DDAH1: variants seen among roughly 807,000 people sequenced by gnomAD.
The protein encoded by DDAH1 is N(G),N(G)-dimethylarginine dimethylaminohydrolase 1.
Under a neutral mutation model 28.8 loss-of-function variants are expected in DDAH1, and 19 were observed. The ratio of observed to expected loss-of-function variants is 0.66; its 90% CI spans 0.46 to 0.97. The LOEUF (loss-of-function observed/expected upper bound fraction) is 0.97, where lower values mean the gene tolerates loss of function less well. DDAH1 is among the 50% of genes least tolerant of loss of function. The pLI, the probability that DDAH1 is intolerant of heterozygous loss-of-function variation, is 0.00. For synonymous variants in DDAH1, 153 were observed against 154.4 expected (o/e 0.99, Z 0.07); for missense variants, 326 against 375.9 (o/e 0.87, Z 1.10).
At chr1:85,411,139 C>T (rs930132938) in intron 1 of DDAH1, among the ~76,000 whole-genome samples, 4 of 152,142 alleles carry the variant, frequency 2.6e-5, no homozygotes, top group Admixed American at 6.5e-5. Context: ...GTTATCACAG[C>T]ATCACAAAAA....
chr1:85,504,088 C>T (rs192083835), intron 1 of DDAH1, among the ~76,000 whole-genome samples: 317 of 152,276 alleles, frequency 2.1e-3, no homozygotes, highest in Non-Finnish European at 4.1e-3. Flanking sequence ...TTGGCTGCAG[C>T]GTAGGCTGCA....
At chr1:85,546,870 C>T (rs1293695882) in intron 1 of DDAH1, among the ~76,000 whole-genome samples, 1 of 151,926 alleles carries the variant, frequency 6.6e-6, no homozygotes, top group Non-Finnish European at 1.5e-5. Flanking sequence ...AAGCAATAAA[C>T]TAACCTCATG....
intron 4 of DDAH1, among the ~76,000 whole-genome samples, chr1:85,339,412 A>AT (rs1012894120): frequency 1.3e-5 from 2 of 152,220 alleles, no homozygotes; most frequent in Non-Finnish European, 1.5e-5. Context: ...TGTGATGAGT[A>AT]ATATGGGGAC....
At chr1:85,370,102 G>A (rs753278537) in intron 1 of DDAH1, among the ~76,000 whole-genome samples, 53 of 152,112 alleles carry the variant, frequency 3.5e-4, no homozygotes, top group Non-Finnish European at 8.8e-5. Context: ...TTAGAGATGG[G>A]GTCTTTAGAG....
intron 1 of DDAH1, among the ~76,000 whole-genome samples, chr1:85,371,437 C>T (rs1650379527): frequency 6.6e-6 from 1 of 152,156 alleles, no homozygotes. Flanking sequence ...CTGCAGTGCA[C>T]TATGTTCACA....
chr1:85,509,740 T>C (rs1477743761), intron 1 of DDAH1, among the ~76,000 whole-genome samples: 3 of 152,208 alleles, frequency 2.0e-5, no homozygotes, highest in East Asian at 3.9e-4. Flanking sequence ...AGGGTATCAG[T>C]GGTTGCAAAT....
intron 2 of DDAH1, among the ~76,000 whole-genome samples, chr1:85,492,861 G>T (rs1656453390): frequency 6.6e-6 from 1 of 152,058 alleles, no homozygotes; most frequent in African/African-American, 2.4e-5. Context: ...ACCACATTAT[G>T]AACTGTCTAT....
chr1:85,576,294 C>T (rs909720940), intron 1 of DDAH1, among the ~76,000 whole-genome samples: 2 of 152,134 alleles, frequency 1.3e-5, no homozygotes, highest in Non-Finnish European at 2.9e-5. Flanking sequence ...TTACTACTTG[C>T]TGCCTCCTTT....
intron 1 of DDAH1, among the ~76,000 whole-genome samples, chr1:85,424,074 C>T (rs1487470556): frequency 6.6e-6 from 1 of 152,046 alleles, no homozygotes; most frequent in Admixed American, 6.5e-5. Flanking sequence ...GTCACTTGTT[C>T]ATTGTGTATA....
intron 1 of DDAH1, among the ~76,000 whole-genome samples, chr1:85,572,194 G>A (rs1659476521): frequency 1.3e-5 from 2 of 152,036 alleles, no homozygotes; most frequent in Non-Finnish European, 2.9e-5. Context: ...CTCAGGCAAG[G>A]GCCCTAAGGA....
At chr1:85,534,937 A>G (rs1239123153) in intron 1 of DDAH1, among the ~76,000 whole-genome samples, 3 of 152,152 alleles carry the variant, frequency 2.0e-5, no homozygotes, top group Non-Finnish European at 4.4e-5. Context: ...TTTGTTGTGT[A>G]TACACGTGAC....
At chr1:85,367,041 C>T (rs1185585811) in intron 1 of DDAH1, among the ~76,000 whole-genome samples, 1 of 152,088 alleles carries the variant, frequency 6.6e-6, no homozygotes, top group East Asian at 1.9e-4. Flanking sequence ...TAGATTTCAT[C>T]AACTTTGGGT....
intron 1 of DDAH1, among the ~76,000 whole-genome samples, chr1:85,376,533 A>G (rs1650675064): frequency 6.6e-6 from 1 of 152,122 alleles, no homozygotes. Flanking sequence ...GCTTGCCTCC[A>G]TCCAGGCAGT....
chr1:85,447,608 A>C (rs1372036439), intron 1 of DDAH1, among the ~76,000 whole-genome samples: 3 of 152,218 alleles, frequency 2.0e-5, no homozygotes, highest in Non-Finnish European at 4.4e-5. Flanking sequence ...GAATCTGACT[A>C]GAATGTAAAA....
chr1:85,511,550 T>C (rs892718655), intron 1 of DDAH1, among the ~76,000 whole-genome samples: 7 of 152,086 alleles, frequency 4.6e-5, no homozygotes, highest in African/African-American at 1.7e-4. Flanking sequence ...AAAAAATCAA[T>C]GAATCCAGGA....
chr1:85,401,362 C>A (rs1652093029), intron 1 of DDAH1, among the ~76,000 whole-genome samples: 1 of 152,092 alleles, frequency 6.6e-6, no homozygotes, highest in East Asian at 1.9e-4. Flanking sequence ...CTAAATACAT[C>A]AGATAAAGAT....
chr1:85,450,386 A>C (rs1557645172), intron 1 of DDAH1, among the ~76,000 whole-genome samples: 1 of 152,184 alleles, frequency 6.6e-6, no homozygotes. Flanking sequence ...CTGGGTCTTT[A>C]CAGGTGACCG....
At chr1:85,531,811 T>C (rs1279361429) in intron 1 of DDAH1, among the ~76,000 whole-genome samples, 2 of 145,016 alleles carry the variant, frequency 1.4e-5, no homozygotes, top group Non-Finnish European at 3.0e-5. Context: ...TAGGTACTAT[T>C]AGTATTCCCA....
intron 1 of DDAH1, among the ~76,000 whole-genome samples, chr1:85,440,584 G>C (rs972923108): frequency 6.6e-6 from 1 of 152,216 alleles, no homozygotes; most frequent in African/African-American, 2.4e-5. Flanking sequence ...AGGGGCTGGA[G>C]AATGTTATGT....
Sources: gnomAD v4.1 joint callset for allele counts (sites outside exome capture counted in the v4.1 genomes callset) on GRCh38, gnomAD v4.1.1 for gene constraint, MANE v1.5 for transcripts, NCBI Gene and HGNC (gene_info 2026-07-23, HGNC 2026-07-21) for gene names.